The following REPS2 variants were observed in gnomAD, a reference collection of about 807,000 sequenced individuals.
REPS2 encodes the protein ralBP1-associated Eps domain-containing protein 2.
Under a neutral mutation model 53.6 loss-of-function variants are expected in REPS2, and 23 were observed. The ratio of observed to expected loss-of-function variants is 0.43; its 90% CI spans 0.31 to 0.61. The LOEUF is 0.61. Ranked by LOEUF, REPS2 falls within the 20% of genes least tolerant of loss-of-function variation. The pLI is 0.11. For missense variants in REPS2, 446 were observed against 534.9 expected, an observed-to-expected ratio of 0.83 and a Z score of 1.64; for synonymous variants, 238 against 218.6, an observed-to-expected ratio of 1.09 and a Z score of -0.78.
In REPS2 at chrX:17,149,963, C is replaced by T. The variant is rs765036502; in HGVS notation, c.*2482C>T. The T allele has an allele frequency of 2.7e-5, 3 of 111,410 alleles. No individual in the cohort carries two copies. The highest frequency in any genetic ancestry group is 3.8e-4 in the South Asian group (1 of 2,639). 9.2% of individuals were successfully genotyped at this position (111,410 alleles called of 1,213,427 possible). A position where few individuals can be genotyped will look rare whatever the true frequency, so the allele number is the denominator to read the frequency against. ...AATCTCATCAATATTTTAAGATAGG[C>T]GAGCACACACTAATAATATCTATGC... On this transcript the variant is annotated 3_prime_UTR_variant, in exon 18 of 18. Transcript: ENST00000357277.
At chrX:16,956,422 C>T (rs2060598185) in intron 1 of REPS2, among the ~76,000 whole-genome samples, 1 of 106,351 alleles carries the variant, frequency 9.4e-6, no homozygotes, top group African/African-American at 3.4e-5. Context: ...CCATCTCAGC[C>T]TCCCAAGTAG....
In REPS2 at chrX:17,060,487, A is replaced by G. The variant is rs548942096; in HGVS notation, c.1115-1951A>G. Among the ~76,000 whole-genome samples, 31 of 111,046 alleles carry G rather than the reference A, an allele frequency of 2.8e-4. No individual in the cohort carries two copies. In the South Asian group the frequency reaches 0.012, roughly 42 times the overall value. ...GCTGTATGACAGAGCTCCTACTCCCATGAACTTGTGGGCAGTTGATACGTG... is the reference window on the plus strand; with the variant it reads ...GCTGTATGACAGAGCTCCTACTCCCGTGAACTTGTGGGCAGTTGATACGTG... On this transcript the variant is annotated intron_variant, in intron 8 of 17. Transcript: ENST00000357277.
At chrX:17,077,499 A>G (rs773966285) in intron 13 of REPS2, 92 bp downstream of exon 13, 962 of 938,911 alleles carry the variant, frequency 1.0e-3, no homozygotes, top group Non-Finnish European at 1.3e-3. Context: ...GTCCGGAGAA[A>G]GAGCAGACCT....
chrX:16,964,660 T>C (rs1432431253), intron 1 of REPS2, among the ~76,000 whole-genome samples: 56 of 98,699 alleles, frequency 5.7e-4, no homozygotes, highest in Non-Finnish European at 1.1e-3. Context: ...GACGGGGGGC[T>C]GACCCCCCCC....
intron 14 of REPS2, among the ~76,000 whole-genome samples, chrX:17,124,928 A>C (rs1296840401): frequency 2.0e-5 from 2 of 102,094 alleles, no homozygotes; most frequent in Non-Finnish European, 3.9e-5. Flanking sequence ...CAGTAGCGAG[A>C]TTTCAGCTCA....
chrX:17,124,369 G>A (rs759534470), intron 14 of REPS2, among the ~76,000 whole-genome samples: 2 of 112,055 alleles, frequency 1.8e-5, no homozygotes, highest in East Asian at 2.8e-4. Flanking sequence ...CTTACCATTC[G>A]TTTATCATGT....
intron 13 of REPS2, among the ~76,000 whole-genome samples, chrX:17,094,536 T>C (rs1438251543): frequency 8.9e-6 from 1 of 112,433 alleles, no homozygotes; most frequent in African/African-American, 3.2e-5. Flanking sequence ...TAATTGATTA[T>C]TTTTCCTGCT....
intron 1 of REPS2, among the ~76,000 whole-genome samples, chrX:16,974,491 C>T (rs1003559305): frequency 5.5e-5 from 6 of 109,565 alleles, no homozygotes; most frequent in African/African-American, 2.0e-4. Context: ...ACTAAAAATA[C>T]AAAAAACAAA....
intron 1 of REPS2, among the ~76,000 whole-genome samples, chrX:16,987,496 T>C (rs2061105874): frequency 8.9e-6 from 1 of 112,630 alleles, no homozygotes; most frequent in African/African-American, 3.2e-5. Flanking sequence ...TCCTTTTAAC[T>C]TATGTTGTTA....
Position 17,075,210 on chromosome X carries a change from TTACAAACTAGTCTGTAC to T in REPS2, c.1379+1054_1379+1070del, listed in dbSNP as rs753139019. Among the ~76,000 whole-genome samples, 8 of 112,348 alleles carry T rather than the reference TTACAAACTAGTCTGTAC, an allele frequency of 7.1e-5. No homozygotes were observed. The South Asian group carries it at 2.9e-3, about 41-fold the overall frequency. ...CTTTGTAAAAGGATGAATGGATCTT[TTACAAACTAGTCTGTAC>T]TAGTTGTGGGATATGCTTTCATAGT... On this transcript the variant is annotated intron_variant, in intron 12 of 17. Transcript: ENST00000357277.
At position 16,980,540 on chromosome X, in the gene REPS2, A is replaced by T. The variant is rs181133372; in HGVS notation, c.274-25681A>T. Among the ~76,000 whole-genome samples, 13 of 111,205 alleles carry T rather than the reference A, an allele frequency of 1.2e-4. No individual in the cohort carries two copies. In the East Asian group the frequency reaches 3.7e-3, roughly 32 times the overall value. On this transcript the variant is annotated intron_variant, in intron 1 of 17. Coordinates refer to ENST00000357277, the MANE Select transcript of REPS2 (RefSeq NM_004726.3). ...ATGGTCGCGATCTCTTGACCTCGTG[A>T]TCCACCTGCCTCGGCCAAAATGCTG...
At chrX:17,093,679 C>T (rs1027440365) in intron 13 of REPS2, among the ~76,000 whole-genome samples, 3 of 111,504 alleles carry the variant, frequency 2.7e-5, no homozygotes, top group Non-Finnish European at 5.7e-5. Context: ...TTATCTTTCT[C>T]CTCCACCCTT....
intron 13 of REPS2, among the ~76,000 whole-genome samples, chrX:17,082,979 A>G (rs887739745): frequency 1.8e-5 from 2 of 110,784 alleles, no homozygotes; most frequent in Non-Finnish European, 3.8e-5. Flanking sequence ...GAGGTTACCT[A>G]TCTCAATCTT....
intron 1 of REPS2, among the ~76,000 whole-genome samples, chrX:16,956,223 C>T (rs2060591426): frequency 9.8e-6 from 1 of 102,554 alleles, no homozygotes; most frequent in African/African-American, 3.6e-5. Context: ...ACTAACTGCC[C>T]TTCCCCCAAC....
intron 13 of REPS2, among the ~76,000 whole-genome samples, chrX:17,102,543 T>G (rs1351135988): frequency 8.9e-6 from 1 of 111,797 alleles, no homozygotes; most frequent in Non-Finnish European, 1.9e-5. Context: ...ACCTCTGGAG[T>G]TTTAACCCAC....
At chrX:17,172,975 ATGTG>A in the REPS2 span, among the ~76,000 whole-genome samples, 56 of 99,274 alleles carry the variant, frequency 5.6e-4, no homozygotes, top group African/African-American at 8.4e-4. Flanking sequence ...GTGTGTATGT[ATGTG>A]TGTGTGTGTG....
chrX:17,161,709 G>A, the REPS2 span, among the ~76,000 whole-genome samples: 1 of 110,926 alleles, frequency 9.0e-6, no homozygotes, highest in Admixed American at 9.6e-5. Flanking sequence ...GATAATCAGT[G>A]TTATTTTAAG....
At chrX:17,123,311 C>T (rs757140316) in intron 14 of REPS2, among the ~76,000 whole-genome samples, 1 of 112,365 alleles carries the variant, frequency 8.9e-6, no homozygotes, top group East Asian at 2.8e-4. Flanking sequence ...GAGTACAGTT[C>T]AGACTTGACT....
chrX:16,963,973 A>G (rs952269543), intron 1 of REPS2, among the ~76,000 whole-genome samples: 1 of 108,195 alleles, frequency 9.2e-6, no homozygotes, highest in Non-Finnish European at 1.9e-5. Context: ...CCAAATCTTA[A>G]TTTTTCCTTT....
Sources: gnomAD v4.1 joint callset for allele counts (sites outside exome capture counted in the v4.1 genomes callset) on GRCh38, gnomAD v4.1.1 for gene constraint, MANE v1.5 for transcripts, NCBI Gene and HGNC (gene_info 2026-07-23, HGNC 2026-07-21) for gene names.